NEGR1: variants seen among roughly 807,000 people sequenced by gnomAD.
NEGR1 encodes neuronal growth regulator 1, also known as IgLON family member 4.
In NEGR1, 10 loss-of-function variants were observed where a neutral mutation model predicts 40.9. The observed-to-expected ratio is 0.24, with a 90% CI of 0.15 to 0.42. The LOEUF is 0.42. Ranked by LOEUF, NEGR1 falls within the 10% of genes least tolerant of loss-of-function variation. The probability of loss-of-function intolerance (pLI) is 1.00; values close to 1 mark genes in which losing one functional copy is unlikely to be tolerated. For missense variants in NEGR1, 352 were observed against 438.9 expected (o/e 0.80, Z 1.77); for synonymous variants, 185 against 166.8 (o/e 1.11, Z -0.84).
At chr1:71,650,237 C>A (rs1451997212) in intron 4 of NEGR1, among the ~76,000 whole-genome samples, 2 of 152,104 alleles carry the variant, frequency 1.3e-5, no homozygotes, top group African/African-American at 4.8e-5. Flanking sequence ...GGATGTTCAA[C>A]AGAAATTTCA....
At chr1:71,514,378 A>G (rs1405075459) in intron 6 of NEGR1, among the ~76,000 whole-genome samples, 9 of 87,742 alleles carry the variant, frequency 1.0e-4, no homozygotes, top group African/African-American at 4.5e-4. Context: ...TGGAGATCTG[A>G]GAACGGGCAG....
chr1:71,743,882 C>T (rs1655296523), intron 3 of NEGR1, among the ~76,000 whole-genome samples: 1 of 152,140 alleles, frequency 6.6e-6, no homozygotes, highest in African/African-American at 2.4e-5. Flanking sequence ...CTTTGCTCCT[C>T]TTCATTCAAG....
At chr1:71,931,849 G>T (rs1645858171) in intron 2 of NEGR1, among the ~76,000 whole-genome samples, 2 of 152,034 alleles carry the variant, frequency 1.3e-5, no homozygotes, top group Admixed American at 1.3e-4. Flanking sequence ...AGGAGCTCTT[G>T]CTTCATAACA....
intron 1 of NEGR1, among the ~76,000 whole-genome samples, chr1:72,273,109 T>C (rs1211322386): frequency 6.6e-6 from 1 of 152,010 alleles, no homozygotes; most frequent in East Asian, 1.9e-4. Context: ...CAAAGCCATA[T>C]GACCACATTA....
intron 4 of NEGR1, among the ~76,000 whole-genome samples, chr1:71,666,809 T>A (rs1346651908): frequency 1.3e-5 from 2 of 152,146 alleles, no homozygotes; most frequent in African/African-American, 4.8e-5. Context: ...TAATTTTGAA[T>A]GATTTTTTTA....
chr1:71,609,608 A>G (rs1196051999), intron 5 of NEGR1, among the ~76,000 whole-genome samples: 1 of 146,458 alleles, frequency 6.8e-6, no homozygotes. Context: ...GTTGATGTTA[A>G]AAAGGGATAT....
chr1:71,765,916 C>A (rs1425439240), intron 3 of NEGR1, among the ~76,000 whole-genome samples: 1 of 151,218 alleles, frequency 6.6e-6, no homozygotes, highest in Non-Finnish European at 1.5e-5. Context: ...TGGCTCACGC[C>A]TGTAATCCCA....
At chr1:71,640,338 A>G (rs908164113) in intron 4 of NEGR1, among the ~76,000 whole-genome samples, 43 of 151,996 alleles carry the variant, frequency 2.8e-4, no homozygotes, top group African/African-American at 1.0e-3. Flanking sequence ...TGCTTGCAAC[A>G]TGGAGCTCCC....
rs41289150 is a variant in NEGR1, at chr1:71,401,891, G to T, written c.*5555C>A. 2 of 152,038 alleles carry T rather than the reference G, an allele frequency of 1.3e-5. No homozygotes were observed. Among genetic ancestry groups the T allele is most frequent in the Non-Finnish European group, 2.9e-5 (2 of 68,022 alleles). The allele number at this position is 152,038 out of a possible 1,614,324, so 9.4% of individuals were successfully genotyped here. A position where few individuals can be genotyped will look rare whatever the true frequency, so the allele number is the denominator to read the frequency against. ...AAGGCAACTGTACTGTGAGTTTCAC[G>T]TTTCCAAAGTTTTAGATGACATGTA... On this transcript the variant is annotated 3_prime_UTR_variant, in exon 7 of 7. Transcript: ENST00000357731.
intron 6 of NEGR1, among the ~76,000 whole-genome samples, chr1:71,535,234 A>T (rs1336102040): frequency 6.6e-6 from 1 of 151,690 alleles, no homozygotes; most frequent in African/African-American, 2.4e-5. Flanking sequence ...TAACTTGGAC[A>T]TGTGATCTTC....
chr1:71,841,512 GC>G (rs1659237337), intron 2 of NEGR1, among the ~76,000 whole-genome samples: 1 of 151,994 alleles, frequency 6.6e-6, no homozygotes, highest in African/African-American at 2.4e-5. Context: ...ATCGCATCCT[GC>G]CTTTTCAGTT....
chr1:72,120,482 C>T (rs1247846370), intron 1 of NEGR1, among the ~76,000 whole-genome samples: 1 of 151,766 alleles, frequency 6.6e-6, no homozygotes, highest in Non-Finnish European at 1.5e-5. Context: ...TTTTATATAT[C>T]TGCACAATTT....
chr1:71,711,478 T>TAAA (rs1213613219), intron 3 of NEGR1, among the ~76,000 whole-genome samples: 1 of 41,266 alleles, frequency 2.4e-5, no homozygotes, highest in African/African-American at 7.4e-5. Flanking sequence ...TGGCTAAAAT[T>TAAA]TACAAAAAAA....
At chr1:71,455,755 C>G (rs1646668311) in intron 6 of NEGR1, among the ~76,000 whole-genome samples, 2 of 152,130 alleles carry the variant, frequency 1.3e-5, no homozygotes, top group South Asian at 4.1e-4. Context: ...CAGGCTGTTA[C>G]TTTTATCTGC....
chr1:71,693,402 C>A (rs1282303708), intron 4 of NEGR1, among the ~76,000 whole-genome samples: 1 of 151,538 alleles, frequency 6.6e-6, no homozygotes, highest in East Asian at 1.9e-4. Flanking sequence ...TTTTTGGACA[C>A]CTTTTTATGG....
At chr1:72,033,202 C>T (rs1031795926) in intron 1 of NEGR1, among the ~76,000 whole-genome samples, 1 of 152,092 alleles carries the variant, frequency 6.6e-6, no homozygotes, top group African/African-American at 2.4e-5. Flanking sequence ...ACTATAAAAT[C>T]TTTTAATATA....
intron 1 of NEGR1, 137 bp downstream of exon 1, chr1:72,282,181 TG>T: frequency 9.5e-7 from 1 of 1,048,880 alleles, no homozygotes; most frequent in Non-Finnish European, 1.4e-6. Context: ...AATCTGCACC[TG>T]GAATTCTTGG....
At chr1:71,683,017 T>C (rs1409645879) in intron 4 of NEGR1, among the ~76,000 whole-genome samples, 1 of 152,156 alleles carries the variant, frequency 6.6e-6, no homozygotes, top group Non-Finnish European at 1.5e-5. Context: ...AATAAACTTT[T>C]TTTCTTTCTT....
At chr1:71,648,342 T>G (rs746423312) in intron 4 of NEGR1, among the ~76,000 whole-genome samples, 18 of 152,002 alleles carry the variant, frequency 1.2e-4, no homozygotes, top group Non-Finnish European at 2.1e-4. Flanking sequence ...ACAACTTGAG[T>G]GTGAGCTATA....
Sources: gnomAD v4.1 joint callset for allele counts (sites outside exome capture counted in the v4.1 genomes callset) on GRCh38, gnomAD v4.1.1 for gene constraint, MANE v1.5 for transcripts, NCBI Gene and HGNC (gene_info 2026-07-23, HGNC 2026-07-21) for gene names.